Variants in PARD3B observed in about 807,000 individuals in gnomAD.
PARD3B encodes the protein par-3 family cell polarity regulator beta.
A neutral mutation model predicts 130.2 loss-of-function variants in PARD3B; 103 were observed. The ratio of observed to expected loss-of-function variants is 0.79; its 90% CI spans 0.67 to 0.93. The LOEUF (loss-of-function observed/expected upper bound fraction) is 0.93, where lower values mean the gene tolerates loss of function less well. Ranked by LOEUF, PARD3B falls within the 40% of genes least tolerant of loss-of-function variation. The probability of loss-of-function intolerance (pLI) is 0.00; values close to 1 mark genes in which losing one functional copy is unlikely to be tolerated. For missense variants in PARD3B, 1,609 were observed against 1,499.2 expected, an observed-to-expected ratio of 1.07 and a Z score of -1.21; for synonymous variants, 583 against 553.2, an observed-to-expected ratio of 1.05 and a Z score of -0.76.
chr2:205,207,637 C>T (rs1460573081), intron 15 of PARD3B, among the ~76,000 whole-genome samples: 4 of 143,554 alleles, frequency 2.8e-5, no homozygotes, highest in South Asian at 2.2e-4. Flanking sequence ...ATACATTCCT[C>T]GACACATACA....
chr2:204,762,761 CTT>C (rs5837937), intron 2 of PARD3B, among the ~76,000 whole-genome samples: 4 of 32,644 alleles, frequency 1.2e-4, no homozygotes, highest in Admixed American at 5.3e-4. Flanking sequence ...TTTTCTTTTT[CTT>C]TTTTTTTTTT....
intron 16 of PARD3B, among the ~76,000 whole-genome samples, chr2:205,279,216 TACTTCC>T (rs1281327942): frequency 6.6e-6 from 1 of 152,048 alleles, no homozygotes; most frequent in Non-Finnish European, 1.5e-5. Context: ...CCTCTCCTTC[TACTTCC>T]AATATTAGTA....
intron 2 of PARD3B, among the ~76,000 whole-genome samples, chr2:204,710,048 T>G (rs2125296961): frequency 6.6e-6 from 1 of 152,336 alleles, no homozygotes; most frequent in East Asian, 1.9e-4. Context: ...TTTCATTGAC[T>G]CGTAGAGTTA....
chr2:205,173,876 C>A (rs2035313220), intron 12 of PARD3B, among the ~76,000 whole-genome samples: 1 of 152,130 alleles, frequency 6.6e-6, no homozygotes, highest in African/African-American at 2.4e-5. Flanking sequence ...CTCCATGGAA[C>A]CCGTTTATTG....
At chr2:205,354,360 G>A (rs2044110062) in intron 18 of PARD3B, among the ~76,000 whole-genome samples, 4 of 151,852 alleles carry the variant, frequency 2.6e-5, no homozygotes, top group Admixed American at 2.6e-4. Context: ...GATTAAAGAA[G>A]GAAGAGGTTT....
chr2:205,417,008 C>T (rs1265644425), intron 19 of PARD3B, among the ~76,000 whole-genome samples: 1 of 151,790 alleles, frequency 6.6e-6, no homozygotes, highest in Non-Finnish European at 1.5e-5. Flanking sequence ...TATACATGTG[C>T]CGTGTTGGTG....
intron 19 of PARD3B, among the ~76,000 whole-genome samples, chr2:205,410,913 C>G (rs968313804): frequency 6.6e-6 from 1 of 152,144 alleles, no homozygotes; most frequent in African/African-American, 2.4e-5. Context: ...GGCCTCCACC[C>G]GCCCCATACC....
chr2:205,050,735 A>G (rs540773168), intron 4 of PARD3B, among the ~76,000 whole-genome samples: 5 of 151,028 alleles, frequency 3.3e-5, no homozygotes, highest in South Asian at 4.2e-4. Flanking sequence ...TTACATGGCT[A>G]TTAGAAAGCT....
rs1189700104 is a variant in PARD3B, at chr2:205,116,068, A to G, written c.680+2491A>G. 1.3e-5 allele frequency among the ~76,000 whole-genome samples: 2 copies of G among 152,126 alleles called. No homozygotes were observed. Among genetic ancestry groups the G allele is most frequent in the Non-Finnish European group, 2.9e-5 (2 of 68,034 alleles). The stretch of plus-strand genomic sequence containing the variant: ...TAAAGCCTCAATGAATTCATTAGAT[A>G]CCATCGCAGAGGGGTGCTGAATGCT... On this transcript the variant is annotated intron_variant, in intron 6 of 22. Coordinates refer to ENST00000406610, the MANE Select transcript of PARD3B (RefSeq NM_001302769.2). This position sits in a 1 kb window ranked among gnomAD's most constrained non-coding sequence, Gnocchi z 4.5.
chr2:204,619,428 T>A (rs1559188812), intron 1 of PARD3B, among the ~76,000 whole-genome samples: 1 of 152,250 alleles, frequency 6.6e-6, no homozygotes, highest in African/African-American at 2.4e-5. Flanking sequence ...ATTTCAAGTA[T>A]GTTGCTAGTT....
intron 22 of PARD3B, among the ~76,000 whole-genome samples, chr2:205,573,895 C>T (rs1478676656): frequency 6.6e-6 from 1 of 152,082 alleles, no homozygotes; most frequent in Non-Finnish European, 1.5e-5. Flanking sequence ...AAATCCATAC[C>T]GTGGCTTCTC....
In PARD3B at chr2:205,244,987, T is replaced by G. The variant is rs988164864; in HGVS notation, c.2141-791T>G. On this transcript the variant is annotated intron_variant, in intron 15 of 22. Transcript: ENST00000406610. This position sits in a 1 kb window ranked among gnomAD's most constrained non-coding sequence, Gnocchi z 4.7. ...TTGGGTTAATTTTCTTACACACATA[T>G]GATCATCAGTATTCAACTACATATA... Among the ~76,000 whole-genome samples, 1 of 152,232 alleles carries G rather than the reference T, an allele frequency of 6.6e-6. No homozygotes were observed. Among genetic ancestry groups the G allele is most frequent in the African/African-American group, 2.4e-5 (1 of 41,464 alleles).
intron 1 of PARD3B, among the ~76,000 whole-genome samples, chr2:204,622,605 ATAC>A (rs1370205098): frequency 3.3e-5 from 5 of 151,748 alleles, no homozygotes; most frequent in African/African-American, 4.8e-5. Flanking sequence ...TTATATTTAT[ATAC>A]TACTATTATA....
At chr2:204,807,945 ATAAC>A (rs2042833032) in intron 2 of PARD3B, among the ~76,000 whole-genome samples, 2 of 152,026 alleles carry the variant, frequency 1.3e-5, no homozygotes, top group Non-Finnish European at 2.9e-5. Flanking sequence ...ACACTTAAAA[ATAAC>A]TAAAAGAGTA....
rs1356764106 is a variant in PARD3B, at chr2:205,274,348, T to C, written c.2186-26182T>C. 6.6e-6 allele frequency among the ~76,000 whole-genome samples: 1 copy of C among 152,030 alleles called. No homozygotes were observed. The highest frequency in any genetic ancestry group is 1.5e-5 in the Non-Finnish European group (1 of 67,964). ...AAATTTGCAAGAATAATCAGCTGAT[T>C]TCATTCCTGATGTATAAAGGAAAAT... On this transcript the variant is annotated intron_variant, in intron 16 of 22. Transcript: ENST00000406610. The surrounding 1 kb of genome is among the most constrained non-coding windows in gnomAD (Gnocchi z 4.2).
chr2:204,983,463 G>A (rs1033387988), intron 3 of PARD3B, among the ~76,000 whole-genome samples: 1 of 152,068 alleles, frequency 6.6e-6, no homozygotes, highest in Non-Finnish European at 1.5e-5. Context: ...AGAAAAAAAA[G>A]ACAACATTTG....
At position 204,755,317 on chromosome 2, in the gene PARD3B, G is replaced by A. The variant is rs185209472; in HGVS notation, c.222+69035G>A. 8.5e-5 allele frequency among the ~76,000 whole-genome samples: 13 copies of A among 152,144 alleles called. No individual in the cohort carries two copies. In the East Asian group the frequency reaches 2.5e-3, roughly 29 times the overall value. On this transcript the variant is annotated intron_variant, in intron 2 of 22. Coordinates refer to ENST00000406610, the MANE Select transcript of PARD3B (RefSeq NM_001302769.2). ...CCCCCTAGTCACCTGTTAGGAAACT[G>A]TAAAAATAAGCTACCCAAATATGAA...
At chr2:205,613,225 T>C (rs2055300614) in intron 22 of PARD3B, among the ~76,000 whole-genome samples, 2 of 152,200 alleles carry the variant, frequency 1.3e-5, no homozygotes, top group African/African-American at 4.8e-5. Flanking sequence ...ATAATGTTTG[T>C]GTGTTGCAAA....
chr2:205,518,761 T>C (rs2050900607), intron 21 of PARD3B, among the ~76,000 whole-genome samples: 2 of 152,226 alleles, frequency 1.3e-5, no homozygotes, highest in South Asian at 4.1e-4. Flanking sequence ...AGATTTCTTG[T>C]AAGGCAGGTC....
Sources: allele counts gnomAD v4.1 joint callset (sites outside exome capture counted in the v4.1 genomes callset), GRCh38; gene constraint gnomAD v4.1.1; non-coding constraint Gnocchi (gnomAD v3.1); transcripts MANE v1.5; gene names NCBI Gene and HGNC (gene_info 2026-07-23, HGNC 2026-07-21).